SLC24A3: variants seen among roughly 807,000 people sequenced by gnomAD.
SLC24A3 encodes solute carrier family 24 member 3.
A neutral mutation model predicts 75.8 loss-of-function variants in SLC24A3; 28 were observed. That is an observed-to-expected ratio of 0.37 (90% CI 0.27 to 0.51). The LOEUF (loss-of-function observed/expected upper bound fraction) is 0.51, where lower values mean the gene tolerates loss of function less well. Among genes scored for constraint, SLC24A3 ranks in the 20% least tolerant of loss-of-function variants. The pLI, the probability that SLC24A3 is intolerant of heterozygous loss-of-function variation, is 0.94. For synonymous variants in SLC24A3, 372 were observed against 334.1 expected, an observed-to-expected ratio of 1.11 and a Z score of -1.24; for missense variants, 663 against 847.8, an observed-to-expected ratio of 0.78 and a Z score of 2.71.
chr20:19,334,309 A>C (rs773741082), intron 2 of SLC24A3, among the ~76,000 whole-genome samples: 1 of 152,198 alleles, frequency 6.6e-6, no homozygotes, highest in Non-Finnish European at 1.5e-5. Context: ...GGAGATAGCT[A>C]AAATAATTCA....
chr20:19,286,930 A>T (rs1282542774), intron 2 of SLC24A3, among the ~76,000 whole-genome samples: 3 of 152,258 alleles, frequency 2.0e-5, no homozygotes. Flanking sequence ...TCACTAGCTT[A>T]TGTAACTTGA....
chr20:19,340,494 A>G (rs1345075153), intron 2 of SLC24A3, among the ~76,000 whole-genome samples: 1 of 152,214 alleles, frequency 6.6e-6, no homozygotes, highest in Non-Finnish European at 1.5e-5. Context: ...GTAGTTTTTG[A>G]CAGCATCCCT....
rs118065979 is a variant in SLC24A3 at position 19,557,693 on chromosome 20, G to A, written c.349-22307G>A. On this transcript the variant is annotated intron_variant, in intron 3 of 16. Transcript: ENST00000328041. ...ATTAAGACAGAAAATACCACTTAGT[G>A]GAAGAATTACACAAAACTAATCACT... 7.0e-3 allele frequency among the ~76,000 whole-genome samples: 1,066 copies of A among 152,274 alleles called. 10 individuals carry two copies. The highest frequency in any genetic ancestry group is 0.011 in the Non-Finnish European group (780 of 68,028).
intron 2 of SLC24A3, among the ~76,000 whole-genome samples, chr20:19,490,017 G>A (rs969795161): frequency 1.3e-5 from 2 of 152,078 alleles, no homozygotes; most frequent in African/African-American, 2.4e-5. Flanking sequence ...ATCTGGTTGG[G>A]GGGATCCTGA....
chr20:19,684,455 C>G (rs2032649974), intron 11 of SLC24A3, 119 bp downstream of exon 11: 2 of 1,171,866 alleles, frequency 1.7e-6, no homozygotes, highest in African/African-American at 3.1e-5. Flanking sequence ...CCGCAGCATC[C>G]CTCAGCCATT....
At chr20:19,621,274 A>C (rs1480312244) in intron 6 of SLC24A3, among the ~76,000 whole-genome samples, 1 of 152,134 alleles carries the variant, frequency 6.6e-6, no homozygotes, top group African/African-American at 2.4e-5. Flanking sequence ...TATCAAACCA[A>C]TGACTCAAAG....
At chr20:19,581,568 T>G (rs1342123234) in intron 4 of SLC24A3, among the ~76,000 whole-genome samples, 1 of 152,114 alleles carries the variant, frequency 6.6e-6, no homozygotes, top group Admixed American at 6.6e-5. Flanking sequence ...AGAAAATGTT[T>G]AAGGAGGGTG....
intron 2 of SLC24A3, among the ~76,000 whole-genome samples, chr20:19,361,017 C>T (rs1167397427): frequency 8.5e-5 from 13 of 152,184 alleles, no homozygotes; most frequent in South Asian, 2.1e-4. Flanking sequence ...TTAGTAGAGA[C>T]GGGATTTCAC....
At chr20:19,325,773 T>C (rs1313478349) in intron 2 of SLC24A3, among the ~76,000 whole-genome samples, 1 of 64,902 alleles carries the variant, frequency 1.5e-5, no homozygotes, top group Non-Finnish European at 2.6e-5. Flanking sequence ...TACATATATA[T>C]ATACATATAT....
intron 6 of SLC24A3, among the ~76,000 whole-genome samples, chr20:19,605,753 C>T (rs114066139): frequency 0.012 from 1,794 of 152,218 alleles, 41 homozygotes; most frequent in African/African-American, 0.041. Flanking sequence ...ACCCATCGAA[C>T]GTGCCAAACC....
intron 3 of SLC24A3, among the ~76,000 whole-genome samples, chr20:19,516,164 C>G (rs969405293): frequency 6.6e-6 from 1 of 152,190 alleles, no homozygotes; most frequent in African/African-American, 2.4e-5. Context: ...TGTTCTGTTC[C>G]CATCTGGCCT....
chr20:19,451,420 G>A (rs1987478872), intron 2 of SLC24A3, among the ~76,000 whole-genome samples: 1 of 152,168 alleles, frequency 6.6e-6, no homozygotes, highest in Admixed American at 6.5e-5. Flanking sequence ...CTATCCACTT[G>A]GTCCATTCGT....
intron 9 of SLC24A3, 82 bp downstream of exon 9, chr20:19,673,736 G>T: frequency 8.1e-7 from 1 of 1,235,154 alleles, no homozygotes; most frequent in South Asian, 1.2e-5. Context: ...GGATTGGGGT[G>T]GGTATCTGAC....
chr20:19,390,522 G>T (rs569473077), intron 2 of SLC24A3, among the ~76,000 whole-genome samples: 1 of 152,302 alleles, frequency 6.6e-6, no homozygotes, highest in South Asian at 2.1e-4. Flanking sequence ...GGACCATGAA[G>T]AATGGCCTGG....
intron 1 of SLC24A3, among the ~76,000 whole-genome samples, chr20:19,273,181 C>T (rs1178760139): frequency 2.0e-5 from 3 of 152,228 alleles, no homozygotes; most frequent in Non-Finnish European, 4.4e-5. Context: ...CCAGTCTCCC[C>T]TCCTCATACC....
chr20:19,232,954 A>T (rs1455402991), intron 1 of SLC24A3, among the ~76,000 whole-genome samples: 2 of 152,354 alleles, frequency 1.3e-5, no homozygotes, highest in Non-Finnish European at 2.9e-5. Context: ...TGGAAAATGA[A>T]TCGACTTGGA....
At chr20:19,592,159 T>C (rs937335344) in intron 6 of SLC24A3, among the ~76,000 whole-genome samples, 6 of 152,252 alleles carry the variant, frequency 3.9e-5, no homozygotes, top group African/African-American at 1.4e-4. Flanking sequence ...GCCATTCTAT[T>C]GAGCACGAGT....
At chr20:19,537,606 A>C (rs1283369280) in intron 3 of SLC24A3, among the ~76,000 whole-genome samples, 1 of 152,232 alleles carries the variant, frequency 6.6e-6, no homozygotes, top group Non-Finnish European at 1.5e-5. Context: ...TATTCACAAT[A>C]GCAAAGACTT....
chr20:19,550,999 T>C (rs1198727891), intron 3 of SLC24A3, among the ~76,000 whole-genome samples: 1 of 152,222 alleles, frequency 6.6e-6, no homozygotes, highest in Non-Finnish European at 1.5e-5. Context: ...TCTGCATCTT[T>C]AGCGTGCTGT....
Sources: allele counts gnomAD v4.1 joint callset (sites outside exome capture counted in the v4.1 genomes callset), GRCh38; gene constraint gnomAD v4.1.1; transcripts MANE v1.5; gene names NCBI Gene and HGNC (gene_info 2026-07-23, HGNC 2026-07-21).